Variants in PIBF1 observed in about 807,000 individuals in gnomAD.
The protein encoded by PIBF1 is progesterone-induced-blocking factor 1.
Under a neutral mutation model 112.5 loss-of-function variants are expected in PIBF1, and 90 were observed. The observed-to-expected ratio is 0.80, with a 90% CI of 0.67 to 0.95. PIBF1 has a LOEUF of 0.95. PIBF1 is among the 40% of genes least tolerant of loss of function. PIBF1 has a pLI of 0.00. For missense variants in PIBF1, 915 were observed against 852.3 expected (o/e 1.07, Z -0.92); for synonymous variants, 301 against 288.6 (o/e 1.04, Z -0.44).
chr13:72,944,204 T>C (rs1315453594), intron 14 of PIBF1, among the ~76,000 whole-genome samples: 1 of 152,136 alleles, frequency 6.6e-6, no homozygotes, highest in African/African-American at 2.4e-5. Context: ...CCCAGCACTT[T>C]GGGAGGCTGA....
chr13:72,841,976 T>C (rs2037630028), intron 9 of PIBF1, among the ~76,000 whole-genome samples: 1 of 152,228 alleles, frequency 6.6e-6, no homozygotes. Context: ...AAAAGTCATC[T>C]GATAATATTA....
intron 17 of PIBF1, among the ~76,000 whole-genome samples, chr13:73,001,188 C>G (rs1273369950): frequency 1.3e-5 from 2 of 152,062 alleles, no homozygotes; most frequent in Non-Finnish European, 2.9e-5. Flanking sequence ...GTTCTGGACT[C>G]CTTTTATTCT....
chr13:72,795,115 A>G (rs1002139022), intron 3 of PIBF1, among the ~76,000 whole-genome samples: 4 of 152,218 alleles, frequency 2.6e-5, no homozygotes, highest in African/African-American at 9.6e-5. Flanking sequence ...TTCTAAAATT[A>G]TTCTTTAAGA....
intron 12 of PIBF1, among the ~76,000 whole-genome samples, chr13:72,909,514 G>A (rs2040824246): frequency 6.9e-6 from 1 of 145,344 alleles, no homozygotes; most frequent in Admixed American, 7.0e-5. Flanking sequence ...TTTTTTTTGA[G>A]ACGGAGTTTC....
At chr13:72,988,425 G>T (rs533152896) in intron 16 of PIBF1, among the ~76,000 whole-genome samples, 19 of 152,028 alleles carry the variant, frequency 1.2e-4, no homozygotes, top group African/African-American at 4.8e-5. Flanking sequence ...TAGGGAGATC[G>T]AGGGGCTGTA....
At chr13:72,938,805 A>G (rs1006517047) in intron 14 of PIBF1, among the ~76,000 whole-genome samples, 3 of 152,104 alleles carry the variant, frequency 2.0e-5, no homozygotes, top group East Asian at 1.9e-4. Flanking sequence ...AGGGGTTCCA[A>G]TTTTTCCACA....
Position 72,895,639 on chromosome 13 carries a change from A to G in PIBF1, c.1488+1690A>G, listed in dbSNP as rs566097449. 5.0e-4 allele frequency among the ~76,000 whole-genome samples: 76 copies of G among 152,166 alleles called. No homozygotes were observed. The Middle Eastern group carries it at 0.014, about 27-fold the overall frequency. On this transcript the variant is annotated intron_variant, in intron 11 of 17. Coordinates refer to ENST00000326291, the MANE Select transcript of PIBF1 (RefSeq NM_006346.4). ...TTGTTTTTAAAATGCTGGCAAGAGT[A>G]CCCTTAAGTGGGAAATCTCATGAGT...
At chr13:72,947,471 G>A (rs1478570561) in intron 14 of PIBF1, among the ~76,000 whole-genome samples, 1 of 152,154 alleles carries the variant, frequency 6.6e-6, no homozygotes, top group African/African-American at 2.4e-5. Flanking sequence ...CATTGTCTTG[G>A]CAATTAACAT....
At position 72,832,071 on chromosome 13, in the gene PIBF1, C is replaced by CTTTTTTTTTTTT. The variant is rs1491281184; in HGVS notation, c.1098-3172_1098-3171insTTTTTTTTTTTT. Reference sequence around the variant, plus strand: ...TCAGAGATTAGAATTGCAATTCCGGCCTTTTTTTTTTTTTTTTTTTTTTTT... The same window carrying CTTTTTTTTTTTT: ...TCAGAGATTAGAATTGCAATTCCGGCTTTTTTTTTTTTCTTTTTTTTTTTTTTTTTTTTTTTT... On this transcript the variant is annotated intron_variant, in intron 8 of 17. Transcript: ENST00000326291. Among the ~76,000 whole-genome samples the CTTTTTTTTTTTT allele has an allele frequency of 6.6e-4, 39 of 59,494 alleles. 12 individuals carry two copies. Among genetic ancestry groups the CTTTTTTTTTTTT allele is most frequent in the South Asian group, 2.4e-3 (3 of 1,254 alleles). 39.0% of individuals were successfully genotyped at this position (59,494 alleles called of 152,430 possible). A position where few individuals can be genotyped will look rare whatever the true frequency, so the allele number is the denominator to read the frequency against.
At chr13:72,987,540 A>G (rs1478818943) in intron 16 of PIBF1, among the ~76,000 whole-genome samples, 1 of 152,094 alleles carries the variant, frequency 6.6e-6, no homozygotes, top group Non-Finnish European at 1.5e-5. Flanking sequence ...GCATTATTGT[A>G]TAATGATAGC....
At chr13:72,819,854 C>T (rs568534146) in intron 5 of PIBF1, among the ~76,000 whole-genome samples, 2 of 152,234 alleles carry the variant, frequency 1.3e-5, no homozygotes, top group Admixed American at 6.5e-5. Context: ...TTGACTGCTT[C>T]AAAGCACTGT....
Position 72,827,006 on chromosome 13 carries a change from A to T in PIBF1, c.807-4A>T, listed in dbSNP as rs758281629. Reference sequence around the variant, plus strand: ...ACATGTCTCTTTGAATTTTATTTTAACAGTGAACGTGATGCACTTGAACAG... The same window carrying T: ...ACATGTCTCTTTGAATTTTATTTTATCAGTGAACGTGATGCACTTGAACAG... On this transcript the variant is annotated splice_region_variant and splice_polypyrimidine_tract_variant and intron_variant, in intron 6 of 17. Coordinates refer to ENST00000326291, the MANE Select transcript of PIBF1 (RefSeq NM_006346.4). 2 of 1,561,212 alleles carry T rather than the reference A, an allele frequency of 1.3e-6. No individual in the cohort carries two copies. Among genetic ancestry groups the T allele is most frequent in the South Asian group, 2.3e-5 (2 of 86,692 alleles).
chr13:72,804,012 A>G (rs936458804), intron 5 of PIBF1, among the ~76,000 whole-genome samples: 21 of 152,012 alleles, frequency 1.4e-4, no homozygotes, highest in Admixed American at 2.6e-4. Context: ...GTGGTATTTC[A>G]TGTTTCTTTC....
intron 9 of PIBF1, among the ~76,000 whole-genome samples, chr13:72,853,682 C>G (rs1301515480): frequency 6.6e-6 from 1 of 152,172 alleles, no homozygotes; most frequent in African/African-American, 2.4e-5. Flanking sequence ...ATATATCTTT[C>G]ACTTAAAATA....
intron 10 of PIBF1, among the ~76,000 whole-genome samples, chr13:72,883,593 T>C (rs1414776240): frequency 1.3e-5 from 2 of 152,180 alleles, no homozygotes; most frequent in Non-Finnish European, 2.9e-5. Flanking sequence ...GTTCAAGTGA[T>C]TGTCCTGCCT....
At chr13:72,795,210 A>G (rs2035129839) in intron 3 of PIBF1, 149 bp from the exon 4 acceptor site, 1 of 590,194 alleles carries the variant, frequency 1.7e-6, no homozygotes, top group Admixed American at 3.6e-5. Flanking sequence ...ACTGATTAAT[A>G]TGAGTAAATA....
chr13:72,873,836 AT>A (rs2039277127), intron 10 of PIBF1, among the ~76,000 whole-genome samples: 1 of 152,194 alleles, frequency 6.6e-6, no homozygotes, highest in South Asian at 2.1e-4. Flanking sequence ...TGAGGAAAAT[AT>A]TTGAAAACCA....
chr13:72,786,379 C>T (rs2034597082), intron 2 of PIBF1, among the ~76,000 whole-genome samples: 1 of 152,184 alleles, frequency 6.6e-6, no homozygotes, highest in African/African-American at 2.4e-5. Flanking sequence ...CATTCCATTT[C>T]TTAATGCAAA....
chr13:72,976,152 A>AC (rs1228649348), intron 16 of PIBF1, among the ~76,000 whole-genome samples: 1 of 152,160 alleles, frequency 6.6e-6, no homozygotes, highest in Non-Finnish European at 1.5e-5. Flanking sequence ...AGTCCCAGGT[A>AC]CTCTGGAGGC....
Sources: gnomAD v4.1 joint callset for allele counts (sites outside exome capture counted in the v4.1 genomes callset) on GRCh38, gnomAD v4.1.1 for gene constraint, MANE v1.5 for transcripts, NCBI Gene and HGNC (gene_info 2026-07-23, HGNC 2026-07-21) for gene names.